The following CACNB2 variants were observed in gnomAD, a reference collection of about 807,000 sequenced individuals.
CACNB2 encodes the protein voltage-dependent L-type calcium channel subunit beta-2.
CACNB2 carries 42 observed loss-of-function variants against 73.3 expected under a neutral mutation model. That is an observed-to-expected ratio of 0.57 (90% CI 0.45 to 0.74). The LOEUF is 0.74. CACNB2 is among the 30% of genes least tolerant of loss of function. The pLI is 0.00. For synonymous variants in CACNB2, 348 were observed against 310.3 expected (o/e 1.12, Z -1.28); for missense variants, 940 against 853.0 (o/e 1.10, Z -1.27).
chr10:18,307,373 A>G (rs1462879861), intron 2 of CACNB2, among the ~76,000 whole-genome samples: 1 of 152,122 alleles, frequency 6.6e-6, no homozygotes, highest in Non-Finnish European at 1.5e-5. Context: ...GAGGCAGGAG[A>G]ATCACTTGAA....
At chr10:18,171,586 T>TA (rs2033248070) in intron 2 of CACNB2, among the ~76,000 whole-genome samples, 62 of 99,642 alleles carry the variant, frequency 6.2e-4, no homozygotes, top group Middle Eastern at 4.3e-3. Context: ...TAATTCCAGT[T>TA]TAAAAAAAAA....
intron 3 of CACNB2, among the ~76,000 whole-genome samples, chr10:18,440,513 C>A (rs947799214): frequency 6.6e-6 from 1 of 152,098 alleles, no homozygotes; most frequent in Non-Finnish European, 1.5e-5. Flanking sequence ...GGCAAAAAAT[C>A]AAAAATTAAC....
intron 1 of CACNB2, chr10:18,141,324 G>A (rs2030378550): frequency 2.1e-6 from 2 of 966,810 alleles, no homozygotes; most frequent in Non-Finnish European, 3.2e-6. Flanking sequence ...AGGATGATGG[G>A]GTGCAGGTGG....
At chr10:18,156,548 C>A (rs1203077230) in intron 2 of CACNB2, among the ~76,000 whole-genome samples, 4 of 152,136 alleles carry the variant, frequency 2.6e-5, no homozygotes, top group African/African-American at 9.7e-5. Flanking sequence ...CCATAGGGGT[C>A]ATTGGCTGTG....
In CACNB2 at chr10:18,518,176, T is replaced by C. The variant is rs376851574; in HGVS notation, c.805-160T>C. On this transcript the variant is annotated intron_variant, in intron 7 of 13. Coordinates refer to ENST00000324631, the MANE Select transcript of CACNB2 (RefSeq NM_201596.3). ...AACTTCAGGAAAATGAACCCACCAA[T>C]CTTTGACTGGGTTTATGTAGAAAAG... 3.9e-5 allele frequency among the ~76,000 whole-genome samples: 6 copies of C among 152,124 alleles called. No homozygotes were observed. In the East Asian group the frequency reaches 1.2e-3, roughly 29 times the overall value.
intron 2 of CACNB2, among the ~76,000 whole-genome samples, chr10:18,400,133 T>A (rs1320402964): frequency 6.6e-6 from 1 of 152,252 alleles, no homozygotes; most frequent in Non-Finnish European, 1.5e-5. Flanking sequence ...ATTACTTTCG[T>A]GTCCTAATTA....
rs1231124828 is a variant in CACNB2, at chr10:18,540,654, T to G, written c.*930T>G. 1 of 152,614 alleles carries G rather than the reference T, an allele frequency of 6.6e-6. No homozygotes were observed. The highest frequency in any genetic ancestry group is 1.9e-4 in the East Asian group (1 of 5,204). The allele number at this position is 152,614 out of a possible 1,614,324, so 9.5% of individuals were successfully genotyped here. A position where few individuals can be genotyped will look rare whatever the true frequency, so the allele number is the denominator to read the frequency against. On this transcript the variant is annotated 3_prime_UTR_variant, in exon 14 of 14. Transcript: ENST00000324631. ...GTTCACACTGATTGTGACACATTCT[T>G]AGTAGCTAGTGTCTGTTCTAGTCAC... is the stretch of plus-strand genomic sequence containing the variant.
intron 2 of CACNB2, among the ~76,000 whole-genome samples, chr10:18,152,914 G>A (rs1270348628): frequency 6.6e-6 from 1 of 152,008 alleles, no homozygotes; most frequent in African/African-American, 2.4e-5. Context: ...CTGTAGAAAC[G>A]CCACGTGAAG....
intron 2 of CACNB2, among the ~76,000 whole-genome samples, chr10:18,178,772 A>T (rs2033730512): frequency 6.6e-6 from 1 of 152,124 alleles, no homozygotes; most frequent in African/African-American, 2.4e-5. Flanking sequence ...TGCCATGGGG[A>T]TGGAGACTGC....
intron 3 of CACNB2, among the ~76,000 whole-genome samples, chr10:18,490,553 G>C (rs1423113933): frequency 2.0e-5 from 3 of 152,140 alleles, no homozygotes; most frequent in Non-Finnish European, 4.4e-5. Flanking sequence ...GCAGACTCCA[G>C]GTCTCACACT....
chr10:18,512,543 A>C (rs2050867877), intron 6 of CACNB2, among the ~76,000 whole-genome samples: 1 of 152,212 alleles, frequency 6.6e-6, no homozygotes, highest in Non-Finnish European at 1.5e-5. Context: ...CAAAAAGAAA[A>C]ATCTTTTTTT....
At chr10:18,527,314 T>A (rs1354613703) in intron 9 of CACNB2, among the ~76,000 whole-genome samples, 1 of 151,964 alleles carries the variant, frequency 6.6e-6, no homozygotes, top group African/African-American at 2.4e-5. Context: ...AGGTGGAGAT[T>A]GCAGTGAGCC....
rs1463489042 is a variant in CACNB2, at chr10:18,488,227, G to A, written c.334-10128G>A. Among the ~76,000 whole-genome samples the A allele has an allele frequency of 2.0e-5, 3 of 151,714 alleles. No homozygotes were observed. The East Asian group carries it at 5.9e-4, about 30-fold the overall frequency. ...ACTGTGGCTGACGCCTGTAATCCCA[G>A]CATTTTGGGAGGCCGAGGTGGGCGG... On this transcript the variant is annotated intron_variant, in intron 3 of 13. Transcript: ENST00000324631.
chr10:18,469,549 A>C (rs2048072229), intron 3 of CACNB2, among the ~76,000 whole-genome samples: 1 of 152,164 alleles, frequency 6.6e-6, no homozygotes, highest in Admixed American at 6.5e-5. Context: ...CAAATTCCTA[A>C]ACTGTATCCA....
chr10:18,260,978 A>G (rs2037510129), intron 2 of CACNB2: 3 of 1,348,518 alleles, frequency 2.2e-6, no homozygotes, highest in Non-Finnish European at 2.9e-6. Context: ...ACTTCCGGAA[A>G]ATTAATGCTA....
chr10:18,284,228 G>A (rs1662716315), intron 2 of CACNB2, among the ~76,000 whole-genome samples: 1 of 152,122 alleles, frequency 6.6e-6, no homozygotes, highest in Non-Finnish European at 1.5e-5. Flanking sequence ...ACTTGTGCAG[G>A]GAAACTCCCT....
intron 2 of CACNB2, among the ~76,000 whole-genome samples, chr10:18,220,253 A>G (rs1335171447): frequency 4.2e-5 from 5 of 119,508 alleles, no homozygotes; most frequent in Non-Finnish European, 6.7e-5. Context: ...AGAGAGAGAG[A>G]GAGAGAGAGA....
At chr10:18,370,251 T>C (rs537581713) in intron 2 of CACNB2, among the ~76,000 whole-genome samples, 78 of 152,298 alleles carry the variant, frequency 5.1e-4, no homozygotes, top group Admixed American at 1.4e-3. Flanking sequence ...GTGCCGGCAT[T>C]ACCGTGGAGC....
intron 2 of CACNB2, among the ~76,000 whole-genome samples, chr10:18,263,117 C>G (rs1380361872): frequency 1.3e-5 from 2 of 152,200 alleles, no homozygotes; most frequent in Admixed American, 1.3e-4. Flanking sequence ...TCTAACCCAC[C>G]TGCTGCTGTT....
Sources: gnomAD v4.1 joint callset for allele counts (sites outside exome capture counted in the v4.1 genomes callset) on GRCh38, gnomAD v4.1.1 for gene constraint, MANE v1.5 for transcripts, NCBI Gene and HGNC (gene_info 2026-07-23, HGNC 2026-07-21) for gene names.